The following NEGR1 variants were observed in gnomAD, a reference collection of about 807,000 sequenced individuals.
NEGR1 encodes the protein IgLON family member 4.
In NEGR1, 10 loss-of-function variants were observed where a neutral mutation model predicts 40.9. That is an observed-to-expected ratio of 0.24 (90% confidence interval 0.15 to 0.42). The LOEUF (loss-of-function observed/expected upper bound fraction) is 0.42. NEGR1 is among the 10% of genes least tolerant of loss of function. The probability of loss-of-function intolerance (pLI) is 1.00; values close to 1 mark genes in which losing one functional copy is unlikely to be tolerated. For synonymous variants in NEGR1, 185 were observed against 166.8 expected (o/e 1.11, Z -0.84); for missense variants, 352 against 438.9 (o/e 0.80, Z 1.77).
At chr1:71,604,123 A>G (rs915478579) in intron 5 of NEGR1, among the ~76,000 whole-genome samples, 1 of 152,194 alleles carries the variant, frequency 6.6e-6, no homozygotes, top group African/African-American at 2.4e-5. Context: ...TTTTTGAAGC[A>G]GTAGAGTAGT....
rs186262743 is a variant in NEGR1 at position 71,793,775 on chromosome 1, A to C, written c.410-17478T>G. Among the ~76,000 whole-genome samples, 3 of 152,214 alleles carry C rather than the reference A, an allele frequency of 2.0e-5. No individual in the cohort carries two copies. In the East Asian group the frequency reaches 5.8e-4, roughly 29 times the overall value. On this transcript the variant is annotated intron_variant, in intron 2 of 6. Transcript: ENST00000357731. ...ATTTAACAGCTTATAAATTTAATAC[A>C]TCAATACAGATTTAAGGATATGTAT...
At chr1:72,258,439 A>C (rs1214338149) in intron 1 of NEGR1, among the ~76,000 whole-genome samples, 1 of 152,186 alleles carries the variant, frequency 6.6e-6, no homozygotes, top group Non-Finnish European at 1.5e-5. Flanking sequence ...AAGGTTATTG[A>C]GAATAAATAT....
intron 6 of NEGR1, among the ~76,000 whole-genome samples, chr1:71,566,208 C>T (rs918277801): frequency 2.0e-5 from 3 of 151,878 alleles, no homozygotes; most frequent in Non-Finnish European, 4.4e-5. Context: ...TATGACAGCC[C>T]TAGCAAACTA....
At chr1:71,453,757 G>C (rs1014786282) in intron 6 of NEGR1, among the ~76,000 whole-genome samples, 2 of 152,124 alleles carry the variant, frequency 1.3e-5, no homozygotes, top group Non-Finnish European at 2.9e-5. Flanking sequence ...GTTTGTGTCA[G>C]AGAGAAACTC....
intron 6 of NEGR1, among the ~76,000 whole-genome samples, chr1:71,579,646 G>A (rs1351809839): frequency 6.7e-6 from 1 of 149,268 alleles, no homozygotes; most frequent in Admixed American, 6.7e-5. Flanking sequence ...ATATGAAAGG[G>A]AACTGATTCC....
At chr1:71,653,223 T>C (rs1479143858) in intron 4 of NEGR1, among the ~76,000 whole-genome samples, 2 of 152,216 alleles carry the variant, frequency 1.3e-5, no homozygotes, top group Non-Finnish European at 2.9e-5. Context: ...AATCTATACC[T>C]CTTTACTCTC....
intron 1 of NEGR1, among the ~76,000 whole-genome samples, chr1:72,072,771 C>T (rs1647525257): frequency 6.6e-6 from 1 of 152,058 alleles, no homozygotes; most frequent in African/African-American, 2.4e-5. Flanking sequence ...AGAAAGAGAA[C>T]TCCCTTTGTG....
chr1:71,806,419 T>C (rs1214516229), intron 2 of NEGR1, among the ~76,000 whole-genome samples: 2 of 152,026 alleles, frequency 1.3e-5, no homozygotes, highest in Non-Finnish European at 2.9e-5. Context: ...GTATAAAAAG[T>C]ATCAAATGAG....
intron 2 of NEGR1, among the ~76,000 whole-genome samples, chr1:71,785,677 G>T (rs889050756): frequency 1.3e-5 from 2 of 152,158 alleles, no homozygotes; most frequent in Non-Finnish European, 2.9e-5. Context: ...CCTTGGCAGT[G>T]AACTATTTTC....
chr1:72,105,082 ATCTG>A (rs530944129), intron 1 of NEGR1, among the ~76,000 whole-genome samples: 1 of 152,112 alleles, frequency 6.6e-6, no homozygotes, highest in Non-Finnish European at 1.5e-5. Flanking sequence ...GTGTATCTCT[ATCTG>A]TCTGATCTGT....
intron 3 of NEGR1, among the ~76,000 whole-genome samples, chr1:71,712,945 T>C (rs1654153818): frequency 6.6e-6 from 1 of 152,208 alleles, no homozygotes; most frequent in African/African-American, 2.4e-5. Flanking sequence ...TTCCTGAGAC[T>C]TCTCAGCCAT....
At chr1:71,440,048 A>C (rs1037269465) in intron 6 of NEGR1, among the ~76,000 whole-genome samples, 1 of 152,160 alleles carries the variant, frequency 6.6e-6, no homozygotes, top group Admixed American at 6.5e-5. Context: ...TCTATGGCTT[A>C]CGAATCCATT....
chr1:71,409,224 C>A (rs1475501242), intron 6 of NEGR1, among the ~76,000 whole-genome samples: 1 of 151,754 alleles, frequency 6.6e-6, no homozygotes, highest in Non-Finnish European at 1.5e-5. Context: ...CTTTTCTAGA[C>A]CTAGAAAAAT....
chr1:72,184,067 A>G (rs192001970), intron 1 of NEGR1, among the ~76,000 whole-genome samples: 5 of 152,232 alleles, frequency 3.3e-5, no homozygotes, highest in Admixed American at 2.6e-4. Flanking sequence ...GGCACATCAT[A>G]GTTTTTCTTA....
In NEGR1 at chr1:71,863,024, G is replaced by A. The variant is rs536271752; in HGVS notation, c.409+72055C>T. Among the ~76,000 whole-genome samples, 5 of 152,302 alleles carry A rather than the reference G, an allele frequency of 3.3e-5. No individual in the cohort carries two copies. The East Asian group carries it at 9.7e-4, about 29-fold the overall frequency. On this transcript the variant is annotated intron_variant, in intron 2 of 6. Coordinates refer to ENST00000357731, the MANE Select transcript of NEGR1 (RefSeq NM_173808.3). ...GGGAATGTAAATTAATTCAACCATT[G>A]TAGAAGAGAGTATGGTGATTCCTCA... is the stretch of plus-strand genomic sequence containing the variant.
intron 1 of NEGR1, among the ~76,000 whole-genome samples, chr1:72,270,221 T>C (rs890508913): frequency 1.3e-5 from 2 of 151,840 alleles, no homozygotes; most frequent in African/African-American, 4.8e-5. Flanking sequence ...ATGTCATATA[T>C]GGTAGATGTT....
chr1:71,890,350 T>A (rs1388157500), intron 2 of NEGR1, among the ~76,000 whole-genome samples: 4 of 10,422 alleles, frequency 3.8e-4, no homozygotes, highest in African/African-American at 2.0e-3. Context: ...ACACATAGGC[T>A]CAAAATAAAA....
intron 6 of NEGR1, among the ~76,000 whole-genome samples, chr1:71,415,698 G>A (rs561720599): frequency 9.9e-5 from 15 of 152,194 alleles, no homozygotes; most frequent in Admixed American, 7.9e-4. Context: ...GTTCATCAAT[G>A]TTTTCCAAAT....
At chr1:71,995,145 C>A (rs1234109819) in intron 1 of NEGR1, among the ~76,000 whole-genome samples, 1 of 152,038 alleles carries the variant, frequency 6.6e-6, no homozygotes, top group Non-Finnish European at 1.5e-5. Context: ...AGAAAATTTT[C>A]CGTGGTAATA....
Sources: gnomAD v4.1 joint callset for allele counts (sites outside exome capture counted in the v4.1 genomes callset) on GRCh38, gnomAD v4.1.1 for gene constraint, MANE v1.5 for transcripts, NCBI Gene and HGNC (gene_info 2026-07-23, HGNC 2026-07-21) for gene names.